The following PTPRH variants were observed in gnomAD, a reference collection of about 807,000 sequenced individuals.
PTPRH encodes the protein protein tyrosine phosphatase receptor type H, also known as receptor-type tyrosine-protein phosphatase H.
Under a neutral mutation model 130.2 loss-of-function variants are expected in PTPRH, and 113 were observed. The observed-to-expected ratio is 0.87, with a 90% CI of 0.75 to 1.01. The LOEUF (loss-of-function observed/expected upper bound fraction) is 1.01, where lower values mean the gene tolerates loss of function less well. Among genes scored for constraint, PTPRH ranks in the 50% least tolerant of loss-of-function variants. PTPRH has a pLI of 0.00. For synonymous variants in PTPRH, 556 were observed against 577.9 expected (o/e 0.96, Z 0.54); for missense variants, 1,430 against 1,425.0 (o/e 1.00, Z -0.06).
rs779074413 is a variant in PTPRH, at chr19:55,200,281, T to C, written c.1375A>G (p.Lys459Glu). The C allele has an allele frequency of 2.5e-6, 4 of 1,614,244 alleles. No homozygotes were observed. The South Asian group carries it at 3.3e-5, about 13-fold the overall frequency. Residue 459 changes from lysine to glutamate, a missense_variant, in exon 7 of 20, where the codon AAA becomes GAA. Coordinates refer to ENST00000376350, the MANE Select transcript of PTPRH (RefSeq NM_002842.5). ...TLYTFSVWAEKNGARGSRQNV... is the reference protein window; with the variant it reads ...TLYTFSVWAEENGARGSRQNV... ...TGCCTGGAGCCACGTGCTCCATTTT[T>C]TTCTGCCCATACAGAGAATGTGTAC...
rs891997047 is a variant in PTPRH, at chr19:55,207,346, G to C, written c.52-147C>G. 13 of 789,258 alleles carry C rather than the reference G, an allele frequency of 1.6e-5. No homozygotes were observed. The East Asian group carries it at 1.9e-4, about 12-fold the overall frequency. The allele number at this position is 789,258 out of a possible 1,614,324, so 48.9% of individuals were successfully genotyped here. A position where few individuals can be genotyped will look rare whatever the true frequency, so the allele number is the denominator to read the frequency against. On this transcript the variant is annotated intron_variant, in intron 1 of 19. Transcript: ENST00000376350. ...GGCCGGTGTTAGGCTGGGCTGTCAC[G>C]ACCTCGACCGTCTTTCCTGGGTCGA...
chr19:55,191,585 T>C, intron 11 of PTPRH, 37 bp from the exon 12 acceptor site: 1 of 1,613,340 alleles, frequency 6.2e-7, no homozygotes, highest in Middle Eastern at 1.7e-4. Context: ...GCTCAGGGGG[T>C]GAGGCTGCAA....
intron 5 of PTPRH, among the ~76,000 whole-genome samples, chr19:55,203,157 C>G (rs538563391): frequency 5.3e-5 from 8 of 151,272 alleles, no homozygotes; most frequent in African/African-American, 1.9e-4. Context: ...TGAAACCCGT[C>G]TCTACTAAAA....
At chr19:55,186,080 G>T in intron 16 of PTPRH, 96 bp from the exon 17 acceptor site, 1 of 1,594,482 alleles carries the variant, frequency 6.3e-7, no homozygotes. Flanking sequence ...GATGGGCTGG[G>T]GGGAGAGTGG....
intron 1 of PTPRH, 36 bp from the exon 2 acceptor site, chr19:55,207,235 C>T: frequency 1.9e-6 from 3 of 1,608,262 alleles, no homozygotes; most frequent in Non-Finnish European, 1.7e-6. Flanking sequence ...GTCAGCCTCT[C>T]AACCACTCCT....
Position 55,202,222 on chromosome 19 carries a change from G to T in PTPRH, c.987C>A (p.Thr329=). 1 of 1,614,220 alleles carries T rather than the reference G, an allele frequency of 6.2e-7. No individual in the cohort carries two copies. The highest frequency in any genetic ancestry group is 8.5e-7 in the Non-Finnish European group (1 of 1,180,048). ...CATCTCCAGTGTACTCAACCCCGTAGGTGGAGTTCTGTGGGTCTGGGCCAT... is the reference window on the plus strand; with the variant it reads ...CATCTCCAGTGTACTCAACCCCGTATGTGGAGTTCTGTGGGTCTGGGCCAT... ...VPDGPDPQNS[T]YGVEYTGDGG... The change falls in exon 6 of 20, where the codon ACC becomes ACA. Residue 329 remains threonine (T), a synonymous_variant. Coordinates refer to ENST00000376350, the MANE Select transcript of PTPRH (RefSeq NM_002842.5).
chr19:55,196,664 G>C lies in PTPRH; in HGVS notation c.2115C>G (p.Gly705=). 1 of 1,614,046 alleles carries C rather than the reference G, an allele frequency of 6.2e-7. No homozygotes were observed. Among genetic ancestry groups the C allele is most frequent in the South Asian group, 1.1e-5 (1 of 91,066 alleles). ...AFELEVGGQR[G]SQDRSSCGEA... is the part of the protein sequence containing the mutation. Reference sequence around the variant, plus strand: ...CCCCACATGAAGATCTGTCCTGGGAGCCCCGCTGTCCTCCCACCTCCAACT... The same window carrying C: ...CCCCACATGAAGATCTGTCCTGGGACCCCCGCTGTCCTCCCACCTCCAACT... The change falls in exon 10 of 20, where the codon GGC becomes GGG. Residue 705 remains glycine (G), a synonymous_variant. Coordinates refer to ENST00000376350, the MANE Select transcript of PTPRH (RefSeq NM_002842.5).
At position 55,196,641 on chromosome 19, in the gene PTPRH, C is replaced by T. The variant is rs201897306; in HGVS notation, c.2138G>A (p.Gly713Glu). 6.8e-6 allele frequency: 11 copies of T among 1,614,102 alleles called. No homozygotes were observed. In the South Asian group the frequency reaches 1.1e-4, roughly 16 times the overall value. ...GAGACCCAACACAGACACAGCCTCC[C>T]CACATGAAGATCTGTCCTGGGAGCC... ...QRGSQDRSSC[G>E]EAVSVLGLGP... is the part of the protein sequence containing the mutation. The change falls in exon 10 of 20, where the codon GGG becomes GAG. Residue 713 changes from glycine (G) to glutamate (E), a missense_variant. Gly to Glu is a moderately conservative substitution (Grantham distance 98). Transcript: ENST00000376350.
intron 6 of PTPRH, 90 bp from the exon 7 acceptor site, chr19:55,200,592 G>A: frequency 7.1e-7 from 1 of 1,399,862 alleles, no homozygotes. Context: ...AACCATCTTA[G>A]CTCTTGTTCA....
Position 55,186,078 on chromosome 19 carries a change from G to C in PTPRH, c.2779-94C>G, listed in dbSNP as rs989049189. 11 of 1,595,580 alleles carry C rather than the reference G, an allele frequency of 6.9e-6. No individual in the cohort carries two copies. The African/African-American group carries it at 8.0e-5, about 12-fold the overall frequency. ...CCAAATGTGAACCAGCAGATGGGCT[G>C]GGGGGAGAGTGGGGAACAGGTCTAC... On this transcript the variant is annotated intron_variant, in intron 16 of 19. Coordinates refer to ENST00000376350, the MANE Select transcript of PTPRH (RefSeq NM_002842.5).
chr19:55,204,090 A>C (rs1231670148), intron 4 of PTPRH, 42 bp from the exon 5 acceptor site: 1 of 1,546,348 alleles, frequency 6.5e-7, no homozygotes, highest in East Asian at 2.3e-5. Context: ...GCAGGACTAC[A>C]GAACATAACG....
Position 55,205,319 on chromosome 19 carries a change from C to T in PTPRH, c.619+7G>A, listed in dbSNP as rs371210989. ...TAAGAGCAAAACAAATGGCGACTGC[C>T]TCTCACCTGTGGTGGCATTTCGAGT... On this transcript the variant is annotated splice_region_variant and intron_variant, in intron 4 of 19. Coordinates refer to ENST00000376350, the MANE Select transcript of PTPRH (RefSeq NM_002842.5). 1.4e-5 allele frequency: 22 copies of T among 1,614,156 alleles called. No individual in the cohort carries two copies. The highest frequency in any genetic ancestry group is 1.7e-5 in the Non-Finnish European group (20 of 1,179,986).
At chr19:55,197,045 T>C (rs2086704828) in intron 9 of PTPRH, 72 bp downstream of exon 9, 1 of 1,544,864 alleles carries the variant, frequency 6.5e-7, no homozygotes, top group African/African-American at 1.4e-5. Flanking sequence ...TTGTATTCCA[T>C]TCATCTCTCA....
In PTPRH at chr19:55,202,042, C is replaced by T. The variant is rs191528719; in HGVS notation, c.1153+14G>A. 324 of 1,612,760 alleles carry T rather than the reference C, an allele frequency of 2.0e-4. 1 individual carries two copies. The highest frequency in any genetic ancestry group is 1.3e-3 in the African/African-American group (97 of 75,000). On this transcript the variant is annotated intron_variant, in intron 6 of 19. Coordinates refer to ENST00000376350, the MANE Select transcript of PTPRH (RefSeq NM_002842.5). The stretch of plus-strand genomic sequence containing the variant: ...AACAAATAAGAGATCAAACAAATGG[C>T]GACTGCCTCTCACCTGTGGTGGCAT...
At position 55,197,187 on chromosome 19, in the gene PTPRH, C is replaced by T. The variant is rs777210351; in HGVS notation, c.1920G>A (p.Leu640=). 4 of 1,614,134 alleles carry T rather than the reference C, an allele frequency of 2.5e-6. No individual in the cohort carries two copies. The highest frequency in any genetic ancestry group is 2.2e-5 in the East Asian group (1 of 44,894). ...TCTCTGCCCACACGGTGAAATTGTA[C>T]AACGTCCCGGGTTCCAGGGCCTCCA... The part of the protein sequence containing the change: ...YKVEALEPGT[L]YNFTVWAERN... Residue 640 remains leucine (L), a synonymous_variant, in exon 9 of 20, where the codon TTG becomes TTA. Coordinates refer to ENST00000376350, the MANE Select transcript of PTPRH (RefSeq NM_002842.5).
rs2086316205 is a variant in PTPRH, at chr19:55,186,106, T to G, written c.2778+119A>C. ...GGGAGAGTGGGGAACAGGTCTACAC[T>G]GAAGACGCCTGGGGTTACCCTGGAG... On this transcript the variant is annotated intron_variant, in intron 16 of 19. Coordinates refer to ENST00000376350, the MANE Select transcript of PTPRH (RefSeq NM_002842.5). The G allele has an allele frequency of 1.9e-5, 30 of 1,577,470 alleles. No homozygotes were observed. The Middle Eastern group carries it at 5.1e-4, about 27-fold the overall frequency.
chr19:55,191,561 C>G lies in PTPRH; in HGVS notation c.2337-13G>C. ...CTTCTTCTTATTCCTGGGAAAAGGA[C>G]GTTAGGATGAGAGGCTCAGGGGGTG... On this transcript the variant is annotated splice_polypyrimidine_tract_variant and intron_variant, in intron 11 of 19. Coordinates refer to ENST00000376350, the MANE Select transcript of PTPRH (RefSeq NM_002842.5). 6.2e-7 allele frequency: 1 copy of G among 1,614,148 alleles called. No homozygotes were observed. The highest frequency in any genetic ancestry group is 8.5e-7 in the Non-Finnish European group (1 of 1,179,994).
chr19:55,208,027 C>G (rs1432579314), intron 1 of PTPRH, among the ~76,000 whole-genome samples: 1 of 21,000 alleles, frequency 4.8e-5, no homozygotes, highest in East Asian at 1.0e-3. Flanking sequence ...GGGGTCTCGA[C>G]CTCTGGTTTG....
chr19:55,206,042 G>A (rs894367533), intron 3 of PTPRH, among the ~76,000 whole-genome samples: 5 of 152,116 alleles, frequency 3.3e-5, no homozygotes, highest in African/African-American at 1.2e-4. Flanking sequence ...AGACCAGCCT[G>A]GCCAACATGG....
Sources: gnomAD v4.1 joint callset for allele counts (sites outside exome capture counted in the v4.1 genomes callset) on GRCh38, gnomAD v4.1.1 for gene constraint, MANE v1.5 for transcripts, NCBI Gene and HGNC (gene_info 2026-07-23, HGNC 2026-07-21) for gene names.